GRIP1: variants seen among roughly 807,000 people sequenced by gnomAD.
GRIP1 encodes glutamate receptor interacting protein 1, also known as glutamate receptor-interacting protein 1.
A neutral mutation model predicts 129.9 loss-of-function variants in GRIP1; 45 were observed. The ratio of observed to expected loss-of-function variants is 0.35; its 90% CI spans 0.27 to 0.44. The LOEUF (loss-of-function observed/expected upper bound fraction) is 0.44, where lower values mean the gene tolerates loss of function less well. Ranked by LOEUF, GRIP1 falls within the 20% of genes least tolerant of loss-of-function variation. The probability of loss-of-function intolerance (pLI) is 1.00; values close to 1 mark genes in which losing one functional copy is unlikely to be tolerated. For synonymous variants in GRIP1, 530 were observed against 520.8 expected, an observed-to-expected ratio of 1.02 and a Z score of -0.24; for missense variants, 1,196 against 1,396.8, an observed-to-expected ratio of 0.86 and a Z score of 2.29.
At chr12:66,365,944 G>T (rs1265866496) in intron 23 of GRIP1, among the ~76,000 whole-genome samples, 1 of 152,198 alleles carries the variant, frequency 6.6e-6, no homozygotes. Context: ...GGTAAGTGAG[G>T]AAACTGTGGC....
chr12:66,579,925 C>T (rs1279343353), intron 2 of GRIP1, among the ~76,000 whole-genome samples: 1 of 148,168 alleles, frequency 6.7e-6, no homozygotes, highest in Admixed American at 6.8e-5. Context: ...AGATACTCCT[C>T]GAGAAGAGCA....
chr12:66,497,196 G>C (rs761282436), intron 7 of GRIP1, among the ~76,000 whole-genome samples: 6 of 152,152 alleles, frequency 3.9e-5, no homozygotes, highest in South Asian at 2.1e-4. Context: ...TCTAATGAAA[G>C]AGACCAACAG....
intron 1 of GRIP1, among the ~76,000 whole-genome samples, chr12:66,917,476 T>C (rs929900732): frequency 5.3e-5 from 8 of 152,220 alleles, no homozygotes; most frequent in African/African-American, 1.7e-4. Context: ...GGGAAAACTA[T>C]GCCACAATGT....
intron 1 of GRIP1, among the ~76,000 whole-genome samples, chr12:66,861,332 C>T (rs530204916): frequency 5.3e-5 from 8 of 152,242 alleles, no homozygotes; most frequent in Admixed American, 1.3e-4. Context: ...CTGGTTACCA[C>T]ACAGTGCCAT....
chr12:66,873,841 G>A (rs899192963), intron 1 of GRIP1, among the ~76,000 whole-genome samples: 2 of 152,040 alleles, frequency 1.3e-5, no homozygotes, highest in African/African-American at 4.8e-5. Flanking sequence ...ATGAAAGATG[G>A]TGTTGATAAT....
chr12:66,530,550 G>C (rs1036599308), intron 4 of GRIP1, among the ~76,000 whole-genome samples: 1 of 152,130 alleles, frequency 6.6e-6, no homozygotes, highest in African/African-American at 2.4e-5. Flanking sequence ...TGTTGTGTTT[G>C]CATGATTATC....
chr12:66,444,572 A>C lies in GRIP1; in HGVS notation c.1687+12T>G. ...TCACATGCAGTCCACTCCTGAGATG[A>C]TATGATTATACCTGCAACATCAAAC... is the stretch of plus-strand genomic sequence containing the variant. On this transcript the variant is annotated intron_variant, in intron 13 of 24. Transcript: ENST00000359742. 1 of 1,600,384 alleles carries C rather than the reference A, an allele frequency of 6.2e-7. No individual in the cohort carries two copies. The highest frequency in any genetic ancestry group is 1.5e-5 in the African/African-American group (1 of 65,744).
At chr12:66,827,831 T>C (rs529829316) in intron 1 of GRIP1, among the ~76,000 whole-genome samples, 1 of 152,378 alleles carries the variant, frequency 6.6e-6, no homozygotes, top group Admixed American at 6.5e-5. Context: ...CATGTGTCTA[T>C]AATTCAAACT....
At chr12:66,568,121 T>G (rs1413194662) in intron 2 of GRIP1, 1 of 283,194 alleles carries the variant, frequency 3.5e-6, no homozygotes, top group Non-Finnish European at 7.1e-6. Context: ...AAATTTTACA[T>G]TGTTTTTGGA....
chr12:66,876,792 G>A (rs1173261438), intron 1 of GRIP1, among the ~76,000 whole-genome samples: 1 of 152,022 alleles, frequency 6.6e-6, no homozygotes, highest in Non-Finnish European at 1.5e-5. Context: ...GGTAGGCAAA[G>A]TTCAGTCACA....
chr12:66,873,586 T>C (rs2137162547), intron 1 of GRIP1, among the ~76,000 whole-genome samples: 1 of 152,172 alleles, frequency 6.6e-6, no homozygotes, highest in South Asian at 2.1e-4. Context: ...GACTATGGAA[T>C]ACTCATCTAG....
chr12:66,649,332 C>T (rs894915086), intron 1 of GRIP1, among the ~76,000 whole-genome samples: 2 of 152,166 alleles, frequency 1.3e-5, no homozygotes, highest in African/African-American at 2.4e-5. Context: ...AAGCCATCAG[C>T]TCTGTATTTG....
At chr12:67,059,030 C>T (rs931125119) in intron 1 of GRIP1, among the ~76,000 whole-genome samples, 1 of 152,178 alleles carries the variant, frequency 6.6e-6, no homozygotes, top group Non-Finnish European at 1.5e-5. Context: ...ACATTGTGGC[C>T]AATGACCCTT....
At chr12:66,956,125 C>T (rs1157408523) in intron 1 of GRIP1, among the ~76,000 whole-genome samples, 3 of 152,102 alleles carry the variant, frequency 2.0e-5, no homozygotes, top group Admixed American at 6.6e-5. Flanking sequence ...CCAAACTCGG[C>T]TTTTTTTGGG....
chr12:66,800,232 G>GTAAGA (rs2038819454), intron 1 of GRIP1, among the ~76,000 whole-genome samples: 1 of 152,116 alleles, frequency 6.6e-6, no homozygotes, highest in Non-Finnish European at 1.5e-5. Context: ...AATGACCCCA[G>GTAAGA]TAAGAAAAGT....
At chr12:66,650,048 T>A (rs1486890179) in intron 1 of GRIP1, among the ~76,000 whole-genome samples, 3 of 152,272 alleles carry the variant, frequency 2.0e-5, no homozygotes, top group Middle Eastern at 3.4e-3. Flanking sequence ...TACACCACAG[T>A]GTCCACTTTG....
At chr12:66,596,436 A>T (rs2064052964) in intron 2 of GRIP1, among the ~76,000 whole-genome samples, 1 of 152,218 alleles carries the variant, frequency 6.6e-6, no homozygotes, top group Non-Finnish European at 1.5e-5. Flanking sequence ...AAGAGATGAG[A>T]AGAAAAGAAT....
intron 1 of GRIP1, among the ~76,000 whole-genome samples, chr12:66,986,721 T>C (rs1392126396): frequency 6.9e-6 from 1 of 145,692 alleles, no homozygotes; most frequent in East Asian, 2.1e-4. Flanking sequence ...GAGATATACC[T>C]AATGCTAAAT....
At chr12:66,509,628 T>A (rs965850281) in intron 7 of GRIP1, among the ~76,000 whole-genome samples, 1 of 152,152 alleles carries the variant, frequency 6.6e-6, no homozygotes, top group African/African-American at 2.4e-5. Flanking sequence ...TAAAAAGGAA[T>A]GAGTTCATGT....
Sources: allele counts gnomAD v4.1 joint callset (sites outside exome capture counted in the v4.1 genomes callset), GRCh38; gene constraint gnomAD v4.1.1; transcripts MANE v1.5; gene names NCBI Gene and HGNC (gene_info 2026-07-23, HGNC 2026-07-21).